Variants in TBCK observed in about 807,000 individuals in gnomAD.
TBCK encodes TBC1 domain containing kinase, also known as TBC domain-containing protein kinase-like protein.
A neutral mutation model predicts 113.4 loss-of-function variants in TBCK; 99 were observed. The observed-to-expected ratio is 0.87, with a 90% confidence interval of 0.74 to 1.03. The LOEUF is 1.03. Ranked by LOEUF, TBCK falls within the 50% of genes least tolerant of loss-of-function variation. The probability of loss-of-function intolerance (pLI) is 0.00; values close to 1 mark genes in which losing one functional copy is unlikely to be tolerated. For missense variants in TBCK, 1,045 were observed against 1,061.3 expected (o/e 0.98, Z 0.21); for synonymous variants, 369 against 370.8 (o/e 1.00, Z 0.05).
At position 106,308,128 on chromosome 4, in the gene TBCK, T is replaced by C. The variant is rs189772365; in HGVS notation, c.193+640A>G. Among the ~76,000 whole-genome samples the C allele has an allele frequency of 7.9e-5, 12 of 152,240 alleles. 1 individual carries two copies. In the East Asian group the frequency reaches 2.1e-3, roughly 27 times the overall value. ...TATGTTTAAGAATAGACGGTTTCCC[T>C]GAAAAAGAAAATTAAAAATCCTGAT... On this transcript the variant is annotated intron_variant, in intron 2 of 25. Transcript: ENST00000394708.
chr4:106,207,200 G>A (rs984940187), intron 20 of TBCK, among the ~76,000 whole-genome samples: 5 of 151,998 alleles, frequency 3.3e-5, no homozygotes, highest in African/African-American at 1.2e-4. Context: ...GTATAATCTA[G>A]GCATCACATC....
intron 2 of TBCK, among the ~76,000 whole-genome samples, chr4:106,305,297 ATAAT>A (rs1767398449): frequency 9.2e-6 from 1 of 108,808 alleles, no homozygotes; most frequent in Non-Finnish European, 2.2e-5. Context: ...TAAATTAAGA[ATAAT>A]TAATAATGAT....
chr4:106,295,931 C>T (rs1303744633), intron 2 of TBCK, among the ~76,000 whole-genome samples: 1 of 151,824 alleles, frequency 6.6e-6, no homozygotes, highest in African/African-American at 2.4e-5. Flanking sequence ...AAGAATTTTC[C>T]AATATAAATT....
At chr4:106,316,285 G>T (rs1049719485), upstream of TBCK, 17 of 402,372 alleles carry the variant, frequency 4.2e-5, no homozygotes, top group African/African-American at 3.5e-4. Context: ...ACCCCGACTT[G>T]TGGTGTCCTT....
At chr4:106,231,660 C>A in intron 18 of TBCK, 69 bp downstream of exon 18, 1 of 1,459,456 alleles carries the variant, frequency 6.9e-7, no homozygotes, top group Non-Finnish European at 9.4e-7. Context: ...AAACAAAAAC[C>A]TTTCATGTGT....
chr4:106,171,887 G>GT (rs1481451224), intron 22 of TBCK, among the ~76,000 whole-genome samples: 3 of 152,032 alleles, frequency 2.0e-5, no homozygotes, highest in Non-Finnish European at 2.9e-5. Context: ...CTGGAGTGCA[G>GT]TGGTGCAATC....
At position 106,164,177 on chromosome 4, in the gene TBCK, T is replaced by A. The variant is rs1276501160; in HGVS notation, c.2235+6918A>T. Among the ~76,000 whole-genome samples, 6 of 152,092 alleles carry A rather than the reference T, an allele frequency of 3.9e-5. No individual in the cohort carries two copies. The East Asian group carries it at 1.2e-3, about 29-fold the overall frequency. On this transcript the variant is annotated intron_variant, in intron 23 of 25. Coordinates refer to ENST00000394708, the MANE Select transcript of TBCK (RefSeq NM_001163435.3). ...TCTTTCACTAAAATTGTGCCTATCA[T>A]AATAGCTCTAAAATTGCCTACAGAA...
At position 106,236,533 on chromosome 4, in the gene TBCK, C is replaced by T. The variant is rs188298680; in HGVS notation, c.1221-14G>A. On this transcript the variant is annotated splice_polypyrimidine_tract_variant and intron_variant, in intron 13 of 25. Transcript: ENST00000394708. The stretch of plus-strand genomic sequence containing the variant: ...AAATTAGACTGGCTGTAAAAGAGAA[C>T]AAAAGCAATAAAAAAAAAAAATGGA... The T allele has an allele frequency of 1.4e-6, 2 of 1,446,618 alleles. No individual in the cohort carries two copies. Among genetic ancestry groups the T allele is most frequent in the Non-Finnish European group, 1.8e-6 (2 of 1,101,132 alleles). The allele number at this position is 1,446,618 out of a possible 1,614,324, so 89.6% of individuals were successfully genotyped here.
At chr4:106,247,021 T>G (rs947139237) in intron 10 of TBCK, 118 bp downstream of exon 10, 1 of 1,054,592 alleles carries the variant, frequency 9.5e-7, no homozygotes. Context: ...GAATTGTCTC[T>G]TAATTCCCAT....
At chr4:106,171,941 G>A (rs1313369973) in intron 22 of TBCK, among the ~76,000 whole-genome samples, 1 of 151,786 alleles carries the variant, frequency 6.6e-6, no homozygotes, top group Admixed American at 6.6e-5. Context: ...AGCAATTCTC[G>A]TGCCTCAGCC....
chr4:106,111,403 A>G (rs1056203360), intron 24 of TBCK, among the ~76,000 whole-genome samples: 1 of 152,206 alleles, frequency 6.6e-6, no homozygotes, highest in African/African-American at 2.4e-5. Flanking sequence ...ATTGACTTAA[A>G]AGGCTGCTCT....
intron 22 of TBCK, among the ~76,000 whole-genome samples, chr4:106,192,117 G>A (rs879379227): frequency 6.6e-6 from 1 of 151,952 alleles, no homozygotes; most frequent in African/African-American, 2.4e-5. Context: ...TATGTCAGTC[G>A]ACCATAAAAT....
chr4:106,219,102 C>G (rs1379932962), intron 19 of TBCK, among the ~76,000 whole-genome samples: 1 of 150,296 alleles, frequency 6.7e-6, no homozygotes, highest in Non-Finnish European at 1.5e-5. Flanking sequence ...TCATCATTCT[C>G]AGTAAACTAT....
In TBCK at chr4:106,240,645, A is replaced by G. The variant is rs1048938830; in HGVS notation, c.1170+1825T>C. 3.9e-5 allele frequency among the ~76,000 whole-genome samples: 6 copies of G among 152,054 alleles called. 1 individual carries two copies. Among genetic ancestry groups the G allele is most frequent in the Admixed American group, 2.6e-4 (4 of 15,238 alleles). On this transcript the variant is annotated intron_variant, in intron 12 of 25. Coordinates refer to ENST00000394708, the MANE Select transcript of TBCK (RefSeq NM_001163435.3). Reference sequence around the variant, plus strand: ...CTACATGAAAAAATATTATTGATGTATATTTTAAACTCATCTACTGGTATA... The same window carrying G: ...CTACATGAAAAAATATTATTGATGTGTATTTTAAACTCATCTACTGGTATA...
intron 23 of TBCK, among the ~76,000 whole-genome samples, chr4:106,128,935 A>G (rs1475919389): frequency 6.6e-6 from 1 of 152,204 alleles, no homozygotes; most frequent in East Asian, 1.9e-4. Context: ...AATGCACAGA[A>G]GCAGACTCAA....
Position 106,156,966 on chromosome 4 carries a change from G to C in TBCK, c.2235+14129C>G, listed in dbSNP as rs148181411. Among the ~76,000 whole-genome samples the C allele has an allele frequency of 1.6e-4, 25 of 152,244 alleles. No individual in the cohort carries two copies. In the East Asian group the frequency reaches 4.6e-3, roughly 28 times the overall value. On this transcript the variant is annotated intron_variant, in intron 23 of 25. Coordinates refer to ENST00000394708, the MANE Select transcript of TBCK (RefSeq NM_001163435.3). ...TAGCCATCATAGCTAGTAATGTGCT[G>C]AGTTTCACCTGAAGCCAGCAAGTCT...
chr4:106,227,979 C>T (rs988410840), intron 19 of TBCK, among the ~76,000 whole-genome samples: 7 of 151,880 alleles, frequency 4.6e-5, no homozygotes, highest in Middle Eastern at 3.2e-3. Context: ...TTAACCTCTA[C>T]AATATTTTTA....
Position 106,244,754 on chromosome 4 carries a change from ATTAT to A in TBCK, c.938_941del (p.Asn313MetfsTer63). On this transcript the variant is annotated frameshift_variant, in exon 11 of 26. Transcript: ENST00000394708. LOFTEE classifies it high-confidence loss of function. Reference sequence around the variant, plus strand: ...CAATAGATCTTTCTGCCAGGTAATCATTATTTATATCTATTAAAAGCAAATTTAA... The same window carrying A: ...CAATAGATCTTTCTGCCAGGTAATCATTATATCTATTAAAAGCAAATTTAA... 3 of 1,582,824 alleles carry A rather than the reference ATTAT, an allele frequency of 1.9e-6. No individual in the cohort carries two copies. Among genetic ancestry groups the A allele is most frequent in the Non-Finnish European group, 2.6e-6 (3 of 1,161,992 alleles).
At chr4:106,165,018 T>C (rs1414613865) in intron 23 of TBCK, among the ~76,000 whole-genome samples, 1 of 151,750 alleles carries the variant, frequency 6.6e-6, no homozygotes, top group South Asian at 2.1e-4. Flanking sequence ...TGGGTTAGTA[T>C]ATGTATTCAT....
Sources: allele counts gnomAD v4.1 joint callset (sites outside exome capture counted in the v4.1 genomes callset), GRCh38; gene constraint gnomAD v4.1.1; transcripts MANE v1.5; gene names NCBI Gene and HGNC (gene_info 2026-07-23, HGNC 2026-07-21).